Variants in NOS3 observed in about 807,000 individuals in gnomAD.
NOS3 encodes nitric oxide synthase 3, also known as NOS type III.
NOS3 carries 98 observed loss-of-function variants against 144.9 expected under a neutral mutation model. The observed-to-expected ratio is 0.68, with a 90% CI of 0.57 to 0.80. The LOEUF (loss-of-function observed/expected upper bound fraction) is 0.80, where lower values mean the gene tolerates loss of function less well. NOS3 is among the 30% of genes least tolerant of loss of function. The pLI, the probability that NOS3 is intolerant of heterozygous loss-of-function variation, is 0.00. For missense variants in NOS3, 1,465 were observed against 1,656.4 expected (o/e 0.88, Z 2.01); for synonymous variants, 714 against 702.4 (o/e 1.02, Z -0.26).
rs536736279 is a variant in NOS3 at position 150,994,762 on chromosome 7, G to C, written c.159-441G>C. Among the ~76,000 whole-genome samples the C allele has an allele frequency of 5.9e-5, 9 of 152,286 alleles. No individual in the cohort carries two copies. In the East Asian group the frequency reaches 1.7e-3, roughly 29 times the overall value. ...TCTGGGAGGAAGTGATAAGGCCTGC[G>C]AGGCTTCCCTTCACACATGGGGCTG... On this transcript the variant is annotated intron_variant, in intron 2 of 26. Transcript: ENST00000297494.
intron 23 of NOS3, 27 bp downstream of exon 23, chr7:151,011,013 G>T (rs377152574): frequency 7.1e-6 from 11 of 1,557,776 alleles, no homozygotes; most frequent in Non-Finnish European, 9.7e-6. Flanking sequence ...ACTTGGTGGG[G>T]AGCTGCCCAG....
At chr7:151,007,844 A>G (rs1240942156) in intron 17 of NOS3, among the ~76,000 whole-genome samples, 3 of 152,036 alleles carry the variant, frequency 2.0e-5, no homozygotes, top group Non-Finnish European at 4.4e-5. Context: ...CTGTCTGGGG[A>G]TCATGTCTGC....
Position 150,996,567 on chromosome 7 carries a change from G to A in NOS3, c.419+15G>A, listed in dbSNP as rs749629297. The A allele has an allele frequency of 8.2e-6, 13 of 1,582,300 alleles. No individual in the cohort carries two copies. Among genetic ancestry groups the A allele is most frequent in the Non-Finnish European group, 8.6e-7 (1 of 1,163,684 alleles). On this transcript the variant is annotated intron_variant, in intron 4 of 26. Transcript: ENST00000297494. ...TCCATTAAGAGGTGACAGCTTCCCGGACGCCACAGCCTCCCTTGTCCCACT... is the reference window on the plus strand; with the variant it reads ...TCCATTAAGAGGTGACAGCTTCCCGAACGCCACAGCCTCCCTTGTCCCACT...
chr7:151,009,120 C>G, intron 18 of NOS3, 58 bp downstream of exon 18: 1 of 1,613,146 alleles, frequency 6.2e-7, no homozygotes, highest in Non-Finnish European at 8.5e-7. Flanking sequence ...CACCCCGGGA[C>G]TAAAGCACTC....
intron 10 of NOS3, 68 bp downstream of exon 10, chr7:151,000,667 G>T: frequency 9.6e-7 from 1 of 1,043,814 alleles, no homozygotes; most frequent in South Asian, 1.3e-5. Context: ...GCGGGGGATG[G>T]AGGAGAGGCA....
In NOS3 at chr7:150,993,628, C is replaced by T. The variant is rs1349149913; in HGVS notation, c.-51-125C>T. 6.3e-6 allele frequency: 4 copies of T among 631,278 alleles called. No homozygotes were observed. The highest frequency in any genetic ancestry group is 1.9e-5 in the African/African-American group (1 of 52,548). 39.1% of individuals were successfully genotyped at this position (631,278 alleles called of 1,614,324 possible). ...CAGGCCAGCGGGCGTGGAGCTGAGG[C>T]TTTAGAGCCTCCCAGCCGGGCTTGT... On this transcript the variant is annotated intron_variant, in intron 1 of 26. Transcript: ENST00000297494. This position sits in a 1 kb window ranked among gnomAD's most constrained non-coding sequence, Gnocchi z 4.0.
Position 151,014,213 on chromosome 7 carries a change from C to A in NOS3, c.*44C>A, listed in dbSNP as rs199762416. 3.2e-6 allele frequency: 5 copies of A among 1,552,546 alleles called. No homozygotes were observed. In the South Asian group the frequency reaches 5.8e-5, roughly 18 times the overall value. Reference sequence around the variant, plus strand: ...TTCCAGTTCCGGGAGAGCGGCTGCCCGACTCAGGTCCGCCCGACCAGGATC... The same window carrying A: ...TTCCAGTTCCGGGAGAGCGGCTGCCAGACTCAGGTCCGCCCGACCAGGATC... On this transcript the variant is annotated 3_prime_UTR_variant, in exon 27 of 27. Coordinates refer to ENST00000297494, the MANE Select transcript of NOS3 (RefSeq NM_000603.5).
In NOS3 at chr7:151,003,612, C is replaced by A. The variant is rs959901339; in HGVS notation, c.1752+1308C>A. 7 of 1,157,902 alleles carry A rather than the reference C, an allele frequency of 6.0e-6. No homozygotes were observed. The highest frequency in any genetic ancestry group is 1.6e-5 in the African/African-American group (1 of 62,552). 71.7% of individuals were successfully genotyped at this position (1,157,902 alleles called of 1,614,324 possible). On this transcript the variant is annotated intron_variant, in intron 14 of 26. Coordinates refer to ENST00000297494, the MANE Select transcript of NOS3 (RefSeq NM_000603.5). The surrounding 1 kb of genome is among the most constrained non-coding windows in gnomAD (Gnocchi z 4.1). Reference sequence around the variant, plus strand: ...ACAAGGCATAGCACATTTTCACCACCCTGGAAAGTTCCCTCATCAGTTCCT... The same window carrying A: ...ACAAGGCATAGCACATTTTCACCACACTGGAAAGTTCCCTCATCAGTTCCT...
Position 150,996,397 on chromosome 7 carries a change from G to T in NOS3, c.271-7G>T, listed in dbSNP as rs746179519. The T allele has an allele frequency of 1.7e-5, 21 of 1,226,746 alleles. No individual in the cohort carries two copies. Among genetic ancestry groups the T allele is most frequent in the Admixed American group, 3.0e-5 (1 of 33,234 alleles). 76.0% of individuals were successfully genotyped at this position (1,226,746 alleles called of 1,614,324 possible). On this transcript the variant is annotated splice_region_variant and splice_polypyrimidine_tract_variant and intron_variant, in intron 3 of 26. Transcript: ENST00000297494. The stretch of plus-strand genomic sequence containing the variant: ...CCTGTCCTGACCTTTGCACTCCCTC[G>T]ACCCAGGATGGGCCCTGCACCCCAA...
intron 5 of NOS3, among the ~76,000 whole-genome samples, chr7:150,997,529 C>T (rs373102098): frequency 1.8e-4 from 28 of 152,320 alleles, no homozygotes; most frequent in Non-Finnish European, 2.9e-4. Context: ...GTTACTGGAA[C>T]GCCTGTGACC....
rs1235866387 is a variant in NOS3 at position 151,003,952 on chromosome 7, TTA to T, written c.1752+1650_1752+1651del. 1 of 330,204 alleles carries T rather than the reference TTA, an allele frequency of 3.0e-6. No individual in the cohort carries two copies. The highest frequency in any genetic ancestry group is 5.9e-6 in the Non-Finnish European group (1 of 168,804). 20.5% of individuals were successfully genotyped at this position (330,204 alleles called of 1,614,324 possible). A position where few individuals can be genotyped will look rare whatever the true frequency, so the allele number is the denominator to read the frequency against. On this transcript the variant is annotated intron_variant, in intron 14 of 26. Coordinates refer to ENST00000297494, the MANE Select transcript of NOS3 (RefSeq NM_000603.5). This position sits in a 1 kb window ranked among gnomAD's most constrained non-coding sequence, Gnocchi z 4.1. ...ATTCTTGTACCCGGCTTTTGTGGGCTTATGTTTTTATTTCTCTTGGGTAAATA... is the reference window on the plus strand; with the variant it reads ...ATTCTTGTACCCGGCTTTTGTGGGCTTGTTTTTATTTCTCTTGGGTAAATA...
rs1795021862 is a variant in NOS3 at position 150,999,291 on chromosome 7, T to C, written c.1058T>C (p.Phe353Ser). The change falls in exon 9 of 27, where the codon TTC (phenylalanine) becomes TCC (serine). Residue 353 changes from phenylalanine (F) to serine (S), a missense_variant. Transcript: ENST00000297494. ...GGCCTGGAGTTCCCCGCAGCCCCCT[T>C]CAGTGGCTGGTACATGAGCACTGAG... ...IGGLEFPAAP[F>S]SGWYMSTEIG... 6.2e-7 allele frequency: 1 copy of C among 1,611,982 alleles called. No individual in the cohort carries two copies. Among genetic ancestry groups the C allele is most frequent in the Non-Finnish European group, 8.5e-7 (1 of 1,179,614 alleles).
Position 150,992,875 on chromosome 7 carries a change from G to A in NOS3, c.-51-878G>A, listed in dbSNP as rs900105460. Among the ~76,000 whole-genome samples, 17 of 152,130 alleles carry A rather than the reference G, an allele frequency of 1.1e-4. No homozygotes were observed. In the East Asian group the frequency reaches 3.3e-3, roughly 29 times the overall value. ...AGATGGCACAGAACTACAAACCCCA[G>A]CATGCACTCTGGCCTGAAGTGCCTG... On this transcript the variant is annotated intron_variant, in intron 1 of 26. Transcript: ENST00000297494.
chr7:151,005,585 C>T (rs979224600), intron 14 of NOS3, among the ~76,000 whole-genome samples: 1 of 152,206 alleles, frequency 6.6e-6, no homozygotes, highest in Non-Finnish European at 1.5e-5. Flanking sequence ...TCCCCTGCAG[C>T]TGCGAGGACG....
chr7:151,002,804 C>CATTTT lies in NOS3; in HGVS notation c.1752+510_1752+514dup, dbSNP rs373885412. 8,611 of 160,912 alleles carry CATTTT rather than the reference C, an allele frequency of 0.054. 819 individuals are homozygous for CATTTT. Among genetic ancestry groups the CATTTT allele is most frequent in the African/African-American group, 0.27 (8,011 of 29,744 alleles). The allele number at this position is 160,912 out of a possible 1,614,324, so 10.0% of individuals were successfully genotyped here. ...TACAACATGTGCAACACTATTCCAG[C>CATTTT]ATTTTATTTTATTTGTTTTATTTAT... On this transcript the variant is annotated intron_variant, in intron 14 of 26. Coordinates refer to ENST00000297494, the MANE Select transcript of NOS3 (RefSeq NM_000603.5). The surrounding 1 kb of genome is among the most constrained non-coding windows in gnomAD (Gnocchi z 4.1).
At chr7:151,005,944 C>T (rs1795199274) in intron 14 of NOS3, among the ~76,000 whole-genome samples, 1 of 152,176 alleles carries the variant, frequency 6.6e-6, no homozygotes, top group African/African-American at 2.4e-5. Flanking sequence ...ATCCCTTAAG[C>T]CCAGGAGTCT....
At chr7:151,004,833 G>A (rs1292073397) in intron 14 of NOS3, among the ~76,000 whole-genome samples, 1 of 143,298 alleles carries the variant, frequency 7.0e-6, no homozygotes, top group African/African-American at 2.8e-5. Context: ...TCTAGGATGC[G>A]GGTAATGTTT....
At position 151,002,503 on chromosome 7, in the gene NOS3, A is replaced by G. The variant is rs1302143860; in HGVS notation, c.1752+199A>G. Among the ~76,000 whole-genome samples, 1 of 151,302 alleles carries G rather than the reference A, an allele frequency of 6.6e-6. No homozygotes were observed. The highest frequency in any genetic ancestry group is 1.5e-5 in the Non-Finnish European group (1 of 67,894). ...AGAGACCCCTGGAGCCTGAAACCCCACACAAGCTACGCTCCCAGCCCACCC... is the reference window on the plus strand; with the variant it reads ...AGAGACCCCTGGAGCCTGAAACCCCGCACAAGCTACGCTCCCAGCCCACCC... On this transcript the variant is annotated intron_variant, in intron 14 of 26. Transcript: ENST00000297494. The surrounding 1 kb of genome is among the most constrained non-coding windows in gnomAD (Gnocchi z 4.1).
In NOS3 at chr7:151,014,371, T is replaced by C. The variant is rs934164867; in HGVS notation, c.*202T>C. The C allele has an allele frequency of 1.7e-6, 1 of 575,092 alleles. No individual in the cohort carries two copies. Among genetic ancestry groups the C allele is most frequent in the South Asian group, 2.7e-5 (1 of 37,336 alleles). The allele number at this position is 575,092 out of a possible 1,614,324, so 35.6% of individuals were successfully genotyped here. On this transcript the variant is annotated 3_prime_UTR_variant, in exon 27 of 27. Coordinates refer to ENST00000297494, the MANE Select transcript of NOS3 (RefSeq NM_000603.5). ...CTAGGCCTGTTGCCTCGGGCCTGGG[T>C]CCGCCTTAATCTGGAAGGCCCCTCC...
Sources: allele counts gnomAD v4.1 joint callset (sites outside exome capture counted in the v4.1 genomes callset), GRCh38; gene constraint gnomAD v4.1.1; non-coding constraint Gnocchi (gnomAD v3.1); transcripts MANE v1.5; gene names NCBI Gene and HGNC (gene_info 2026-07-23, HGNC 2026-07-21).